The following MFSD2A variants were observed in gnomAD, a reference collection of about 807,000 sequenced individuals.
The protein encoded by MFSD2A is sodium-dependent lysophosphatidylcholine symporter 1.
In MFSD2A, 27 loss-of-function variants were observed where a neutral mutation model predicts 64.7. The ratio of observed to expected loss-of-function variants is 0.42; its 90% CI spans 0.31 to 0.58. The LOEUF is 0.58. Among genes scored for constraint, MFSD2A ranks in the 20% least tolerant of loss-of-function variants. The probability of loss-of-function intolerance (pLI) is 0.18; values close to 1 mark genes in which losing one functional copy is unlikely to be tolerated. For missense variants in MFSD2A, 474 were observed against 679.5 expected (o/e 0.70, Z 3.36); for synonymous variants, 258 against 273.4 (o/e 0.94, Z 0.55).
intron 3 of MFSD2A, among the ~76,000 whole-genome samples, chr1:39,959,637 G>A (rs1363705511): frequency 6.6e-6 from 1 of 152,040 alleles, no homozygotes; most frequent in Admixed American, 6.5e-5. Flanking sequence ...ATCTAAAATG[G>A]GGATAATAGT....
chr1:39,959,193 T>C (rs1644984886), intron 3 of MFSD2A, among the ~76,000 whole-genome samples: 1 of 152,158 alleles, frequency 6.6e-6, no homozygotes, highest in Non-Finnish European at 1.5e-5. Context: ...CCAGCCTGCC[T>C]GGGCTTATTT....
chr1:39,960,353 T>C lies in MFSD2A; in HGVS notation c.353+1528T>C, dbSNP rs1348943917. Among the ~76,000 whole-genome samples the C allele has an allele frequency of 3.9e-5, 6 of 152,306 alleles. 1 individual carries two copies. Among genetic ancestry groups the C allele is most frequent in the African/African-American group, 1.4e-4 (6 of 41,588 alleles). ...CTCTTCCCGCAACCCCTTCCCCCACTACAGCTTCCTTTCCCACGAGGCCCC... is the reference window on the plus strand; with the variant it reads ...CTCTTCCCGCAACCCCTTCCCCCACCACAGCTTCCTTTCCCACGAGGCCCC... On this transcript the variant is annotated intron_variant, in intron 3 of 13. Transcript: ENST00000372811. The surrounding 1 kb of genome is among the most constrained non-coding windows in gnomAD (Gnocchi z 4.8).
rs1645177339 is a variant in MFSD2A, at chr1:39,967,006, T to C, written c.927+74T>C. On this transcript the variant is annotated intron_variant, in intron 8 of 13. Coordinates refer to ENST00000372811, the MANE Select transcript of MFSD2A (RefSeq NM_032793.5). The stretch of plus-strand genomic sequence containing the variant: ...CGGGGTGAGCAGAGGTCTCTGGGGC[T>C]TGGGGGATGTCTTGGGGAGGCTCAG... 17 of 1,611,372 alleles carry C rather than the reference T, an allele frequency of 1.1e-5. No individual in the cohort carries two copies. In the East Asian group the frequency reaches 3.6e-4, roughly 34 times the overall value.
In MFSD2A at chr1:39,958,883, C is replaced by G; in HGVS notation, c.353+58C>G. Reference sequence around the variant, plus strand: ...AGGCAGGACTTCCAGCATATCTGCTCCTTGGTCCTTCTCTCTGTCTTGTCA... The same window carrying G: ...AGGCAGGACTTCCAGCATATCTGCTGCTTGGTCCTTCTCTCTGTCTTGTCA... On this transcript the variant is annotated intron_variant, in intron 3 of 13. Transcript: ENST00000372811. The surrounding 1 kb of genome is among the most constrained non-coding windows in gnomAD (Gnocchi z 4.7). 3 of 1,510,338 alleles carry G rather than the reference C, an allele frequency of 2.0e-6. No individual in the cohort carries two copies. The highest frequency in any genetic ancestry group is 2.7e-6 in the Non-Finnish European group (3 of 1,122,164). 93.6% of individuals were successfully genotyped at this position (1,510,338 alleles called of 1,614,324 possible).
intron 3 of MFSD2A, among the ~76,000 whole-genome samples, chr1:39,961,120 C>A (rs1197247851): frequency 6.6e-6 from 1 of 151,638 alleles, no homozygotes; most frequent in Non-Finnish European, 1.5e-5. Context: ...CCTGGCCAGA[C>A]CTCTCCATCC....
Position 39,965,955 on chromosome 1 carries a change from T to A in MFSD2A, c.655T>A (p.Ser219Thr). Residue 219 changes from serine (S) to threonine (T), a missense_variant, in exon 6 of 14, where the codon TCT (serine) becomes ACT (threonine). Coordinates refer to ENST00000372811, the MANE Select transcript of MFSD2A (RefSeq NM_032793.5). The surrounding 1 kb of genome is among the most constrained non-coding windows in gnomAD (Gnocchi z 5.5). ...GCCTTGTTTCCAGGACCTCAATAGC[T>A]CTACAGTAGCTTCACAAAGTGCCAA... is the stretch of plus-strand genomic sequence containing the variant. ...DTPCFQDLNS[S>T]TVASQSANHT... 3.1e-6 allele frequency: 5 copies of A among 1,614,090 alleles called. No homozygotes were observed. Among genetic ancestry groups the A allele is most frequent in the Non-Finnish European group, 4.2e-6 (5 of 1,180,032 alleles).
intron 10 of MFSD2A, 24 bp from the exon 11 acceptor site, chr1:39,967,780 A>G (rs1032538269): frequency 1.9e-6 from 3 of 1,610,460 alleles, no homozygotes; most frequent in African/African-American, 2.7e-5. Flanking sequence ...CAGCTGATTC[A>G]TCTTCCTGCA....
chr1:39,966,856 G>C lies in MFSD2A; in HGVS notation c.851G>C (p.Gly284Ala), dbSNP rs369182187. The change falls in exon 8 of 14, where the codon GGC (glycine) becomes GCC (alanine). Residue 284 changes from glycine (G) to alanine (A), a missense_variant. Coordinates refer to ENST00000372811, the MANE Select transcript of MFSD2A (RefSeq NM_032793.5). ...TCTGAGCCAATCGCCTACTTCCGGG[G>C]CCTACGGCTGGTCATGAGCCACGGC... ...QQSEPIAYFRGLRLVMSHGPY... is the reference protein window; with the variant it reads ...QQSEPIAYFRALRLVMSHGPY... The C allele has an allele frequency of 1.9e-6, 3 of 1,613,874 alleles. No individual in the cohort carries two copies. In the African/African-American group the frequency reaches 4.0e-5, roughly 22 times the overall value.
In MFSD2A at chr1:39,955,270, C is replaced by A. The variant is rs1403139882; in HGVS notation, c.-23C>A. 1 of 1,402,212 alleles carries A rather than the reference C, an allele frequency of 7.1e-7. No homozygotes were observed. Among genetic ancestry groups the A allele is most frequent in the Non-Finnish European group, 9.3e-7 (1 of 1,076,938 alleles). 86.9% of individuals were successfully genotyped at this position (1,402,212 alleles called of 1,614,324 possible). On this transcript the variant is annotated 5_prime_UTR_variant, in exon 1 of 14. Transcript: ENST00000372811. This position sits in a 1 kb window ranked among gnomAD's most constrained non-coding sequence, Gnocchi z 5.9. ...AGAGGAGCATCCCGTCTACCAGGTC[C>A]CAAGCGGCGTGGCCCGCGGGTCATG...
At position 39,960,126 on chromosome 1, in the gene MFSD2A, T is replaced by G. The variant is rs1176021708; in HGVS notation, c.353+1301T>G. Among the ~76,000 whole-genome samples, 1 of 152,224 alleles carries G rather than the reference T, an allele frequency of 6.6e-6. No individual in the cohort carries two copies. Among genetic ancestry groups the G allele is most frequent in the Non-Finnish European group, 1.5e-5 (1 of 68,022 alleles). On this transcript the variant is annotated intron_variant, in intron 3 of 13. Coordinates refer to ENST00000372811, the MANE Select transcript of MFSD2A (RefSeq NM_032793.5). The surrounding 1 kb of genome is among the most constrained non-coding windows in gnomAD (Gnocchi z 4.8). ...GTGCTACTCAGCTTCAGGGGCAAAG[T>G]AGGCGGAGGTGGTGCCACGGATCGG...
chr1:39,956,081 A>G (rs1644921828), intron 1 of MFSD2A, among the ~76,000 whole-genome samples: 1 of 152,172 alleles, frequency 6.6e-6, no homozygotes, highest in South Asian at 2.1e-4. Context: ...CTGGGTGAGC[A>G]ATTATGCTGT....
intron 3 of MFSD2A, chr1:39,962,683 G>A (rs928605546): frequency 1.0e-5 from 8 of 776,414 alleles, no homozygotes; most frequent in Admixed American, 2.0e-5. Context: ...GGCCCGGGCC[G>A]AAGCTGCGGA....
chr1:39,966,294 T>C lies in MFSD2A; in HGVS notation c.714+280T>C, dbSNP rs142207354. ...CTCTGCAGCCTGGTTTCTGTTTTTT[T>C]CCTTTTATTATTATTTGTAGAGACG... On this transcript the variant is annotated intron_variant, in intron 6 of 13. Transcript: ENST00000372811. Among the ~76,000 whole-genome samples the C allele has an allele frequency of 1.6e-3, 248 of 152,306 alleles. 1 individual carries two copies. Among genetic ancestry groups the C allele is most frequent in the East Asian group, 0.016 (83 of 5,188 alleles).
chr1:39,955,766 C>T lies in MFSD2A; in HGVS notation c.93+381C>T, dbSNP rs747027228. On this transcript the variant is annotated intron_variant, in intron 1 of 13. Coordinates refer to ENST00000372811, the MANE Select transcript of MFSD2A (RefSeq NM_032793.5). This position sits in a 1 kb window ranked among gnomAD's most constrained non-coding sequence, Gnocchi z 5.9. ...GTTCCCCATCTCTCATCCCCTACCT[C>T]CCACTCCACCCACCTACTCTTGCGC... 5 of 445,120 alleles carry T rather than the reference C, an allele frequency of 1.1e-5. No individual in the cohort carries two copies. Among genetic ancestry groups the T allele is most frequent in the South Asian group, 6.8e-5 (4 of 58,480 alleles). The allele number at this position is 445,120 out of a possible 1,614,324, so 27.6% of individuals were successfully genotyped here.
At chr1:39,961,324 CCG>C (rs1557632417) in intron 3 of MFSD2A, among the ~76,000 whole-genome samples, 167 of 13,632 alleles carry the variant, frequency 0.012, 1 homozygote, top group East Asian at 0.021. Flanking sequence ...CTTCCCGCCC[CCG>C]CCCCCCCCCC....
Position 39,960,734 on chromosome 1 carries a change from C to G in MFSD2A, c.353+1909C>G, listed in dbSNP as rs1439798181. 6.6e-6 allele frequency among the ~76,000 whole-genome samples: 1 copy of G among 152,228 alleles called. No individual in the cohort carries two copies. The highest frequency in any genetic ancestry group is 1.5e-5 in the Non-Finnish European group (1 of 68,034). On this transcript the variant is annotated intron_variant, in intron 3 of 13. Transcript: ENST00000372811. This position sits in a 1 kb window ranked among gnomAD's most constrained non-coding sequence, Gnocchi z 4.8. Reference sequence around the variant, plus strand: ...AAGGCTGATGAGGAGCTCTTGTTCCCTGAGGAGACAGAGTCAAGAGAGGTG... The same window carrying G: ...AAGGCTGATGAGGAGCTCTTGTTCCGTGAGGAGACAGAGTCAAGAGAGGTG...
Position 39,969,812 on chromosome 1 carries a change from G to C in MFSD2A, c.*244G>C. On this transcript the variant is annotated 3_prime_UTR_variant, in exon 14 of 14. Coordinates refer to ENST00000372811, the MANE Select transcript of MFSD2A (RefSeq NM_032793.5). ...ACTGTGAATATGCCAAGGACTGATC[G>C]GGCCTAGCCCGGAACACTAATGTAG... is the stretch of plus-strand genomic sequence containing the variant. The C allele has an allele frequency of 1.9e-6, 1 of 535,300 alleles. No homozygotes were observed. The highest frequency in any genetic ancestry group is 3.3e-6 in the Non-Finnish European group (1 of 305,476). 33.2% of individuals were successfully genotyped at this position (535,300 alleles called of 1,614,324 possible). A position where few individuals can be genotyped will look rare whatever the true frequency, so the allele number is the denominator to read the frequency against.
At chr1:39,962,848 C>G (rs1440223100) in intron 3 of MFSD2A, 1 of 1,547,182 alleles carries the variant, frequency 6.5e-7, no homozygotes, top group African/African-American at 1.3e-5. Context: ...CTGGGGGCCT[C>G]TCTCAAGGAT....
Position 39,958,701 on chromosome 1 carries a change from G to T in MFSD2A, c.229G>T (p.Val77Leu). The T allele has an allele frequency of 1.2e-6, 2 of 1,614,122 alleles. No individual in the cohort carries two copies. The highest frequency in any genetic ancestry group is 1.1e-5 in the South Asian group (1 of 91,086). Residue 77 changes from valine to leucine, a missense_variant and splice_region_variant, in exon 3 of 14, where the codon GTG (valine) becomes TTG (leucine). Transcript: ENST00000372811. The surrounding 1 kb of genome is among the most constrained non-coding windows in gnomAD (Gnocchi z 4.7). ...LQIYLLDVAQ[V>L]GPFSASIILF... ...TGTCTTTTGCTTCTCCTCATTCCAG[G>T]TGGGCCCTTTCTCTGCCTCCATCAT...
Sources: gnomAD v4.1 joint callset for allele counts (sites outside exome capture counted in the v4.1 genomes callset) on GRCh38, gnomAD v4.1.1 for gene constraint, Gnocchi (gnomAD v3.1) non-coding constraint, MANE v1.5 for transcripts, NCBI Gene and HGNC (gene_info 2026-07-23, HGNC 2026-07-21) for gene names.